Variants in GRB10 observed in about 807,000 individuals in gnomAD.
GRB10 encodes the protein growth factor receptor-bound protein 10.
Under a neutral mutation model 80.9 loss-of-function variants are expected in GRB10, and 20 were observed. The ratio of observed to expected loss-of-function variants is 0.25; its 90% CI spans 0.17 to 0.36. GRB10 has a LOEUF of 0.36. Ranked by LOEUF, GRB10 falls within the 10% of genes least tolerant of loss-of-function variation. GRB10 has a pLI of 1.00. For synonymous variants in GRB10, 291 were observed against 291.5 expected, an observed-to-expected ratio of 1.00 and a Z score of 0.02; for missense variants, 548 against 747.7, an observed-to-expected ratio of 0.73 and a Z score of 3.12.
chr7:50,688,903 T>C (rs116579551), intron 5 of GRB10, among the ~76,000 whole-genome samples: 1,969 of 151,600 alleles, frequency 0.013, 46 homozygotes, highest in African/African-American at 0.045. Context: ...GCACCAGAAG[T>C]AGGGGTGGAG....
chr7:50,732,992 T>C (rs1284563909), intron 3 of GRB10, among the ~76,000 whole-genome samples: 1 of 152,208 alleles, frequency 6.6e-6, no homozygotes, highest in African/African-American at 2.4e-5. Context: ...AAGACCCTGT[T>C]ATGGGATGAA....
At position 50,698,534 on chromosome 7, in the gene GRB10, A is replaced by C. The variant is rs34813246; in HGVS notation, c.139+5287T>G. Among the ~76,000 whole-genome samples, 492 of 152,314 alleles carry C rather than the reference A, an allele frequency of 3.2e-3. 2 individuals are homozygous for C. Among genetic ancestry groups the C allele is most frequent in the Non-Finnish European group, 5.6e-3 (378 of 68,030 alleles). On this transcript the variant is annotated intron_variant, in intron 5 of 18. Coordinates refer to ENST00000401949, the MANE Select transcript of GRB10 (RefSeq NM_001350814.2). ...ACGCAGCAGGGTTCCATTCCTTGCC[A>C]CCCCATGTGAACAGTCATGGTTCCT...
chr7:50,749,471 G>A (rs1288613474), intron 3 of GRB10, among the ~76,000 whole-genome samples: 1 of 152,074 alleles, frequency 6.6e-6, no homozygotes, highest in Non-Finnish European at 1.5e-5. Flanking sequence ...ATAATTGTGA[G>A]ATGGAATTTT....
intron 13 of GRB10, among the ~76,000 whole-genome samples, chr7:50,607,573 G>A (rs2153572349): frequency 6.6e-6 from 1 of 152,302 alleles, no homozygotes; most frequent in Non-Finnish European, 1.5e-5. Context: ...GTGTCTAAGT[G>A]CTTTATGTTA....
intron 7 of GRB10, among the ~76,000 whole-genome samples, chr7:50,635,576 CA>C (rs1287019110): frequency 2.5e-5 from 2 of 80,674 alleles, no homozygotes; most frequent in South Asian, 8.2e-4. Flanking sequence ...CAAAAAAACC[CA>C]CAAAGGATCA....
intron 5 of GRB10, among the ~76,000 whole-genome samples, chr7:50,693,311 C>T (rs558211334): frequency 6.6e-6 from 1 of 152,290 alleles, no homozygotes; most frequent in South Asian, 2.1e-4. Flanking sequence ...GACAGTCTCT[C>T]CACTAAGAAA....
intron 10 of GRB10, among the ~76,000 whole-genome samples, chr7:50,616,696 G>A (rs944722204): frequency 6.6e-6 from 1 of 152,206 alleles, no homozygotes; most frequent in African/African-American, 2.4e-5. Flanking sequence ...CTGACAGTGA[G>A]TATGTAGTGG....
At position 50,782,013 on chromosome 7, in the gene GRB10, C is replaced by T. The variant is rs982430026; in HGVS notation, c.-327+411G>A. ...GCATTATGTTTTTCACAGAAAAAGC[C>T]GGTGCAGTAGCCCGGATGCCCAGAT... On this transcript the variant is annotated intron_variant, in intron 1 of 18. Transcript: ENST00000401949. The surrounding 1 kb of genome is among the most constrained non-coding windows in gnomAD (Gnocchi z 6.6). 1.3e-5 allele frequency among the ~76,000 whole-genome samples: 2 copies of T among 152,168 alleles called. No individual in the cohort carries two copies. The highest frequency in any genetic ancestry group is 6.5e-5 in the Admixed American group (1 of 15,286).
At chr7:50,732,530 G>A (rs2070003865) in intron 3 of GRB10, among the ~76,000 whole-genome samples, 162 bp from the exon 4 acceptor site, 1 of 152,166 alleles carries the variant, frequency 6.6e-6, no homozygotes, top group Admixed American at 6.5e-5. Context: ...TTGCTGACAT[G>A]CAGAGATGGT....
At chr7:50,756,329 G>T (rs940230507) in intron 2 of GRB10, among the ~76,000 whole-genome samples, 2 of 152,160 alleles carry the variant, frequency 1.3e-5, no homozygotes, top group Non-Finnish European at 2.9e-5. Flanking sequence ...TCCAAAGCAC[G>T]CTGCCTCCAA....
intron 2 of GRB10, among the ~76,000 whole-genome samples, chr7:50,758,038 A>G (rs2075301901): frequency 6.6e-6 from 1 of 152,184 alleles, no homozygotes; most frequent in Admixed American, 6.5e-5. Flanking sequence ...TAGGAAGTTG[A>G]TATTAGTCTT....
chr7:50,707,789 C>CA (rs1297959195), intron 4 of GRB10, among the ~76,000 whole-genome samples: 1 of 152,224 alleles, frequency 6.6e-6, no homozygotes, highest in Admixed American at 6.5e-5. Flanking sequence ...GCCTGTCCTG[C>CA]AAGGAGCCCT....
chr7:50,711,320 C>T (rs888030648), intron 4 of GRB10, among the ~76,000 whole-genome samples: 6 of 149,810 alleles, frequency 4.0e-5, no homozygotes, highest in East Asian at 4.1e-4. Context: ...AAGGAGAAGA[C>T]GCAATCCTAC....
intron 7 of GRB10, among the ~76,000 whole-genome samples, chr7:50,636,302 T>C (rs897630036): frequency 1.3e-5 from 2 of 152,064 alleles, no homozygotes; most frequent in Non-Finnish European, 2.9e-5. Flanking sequence ...TTAACAGCCA[T>C]ACAAACAAGA....
chr7:50,663,672 C>T (rs1178650722), intron 7 of GRB10, among the ~76,000 whole-genome samples: 2 of 152,232 alleles, frequency 1.3e-5, no homozygotes, highest in Admixed American at 6.5e-5. Context: ...CTGCAGCTGC[C>T]ATCCTCTTGG....
chr7:50,702,527 A>G (rs1460706444), intron 5 of GRB10, among the ~76,000 whole-genome samples: 1 of 152,214 alleles, frequency 6.6e-6, no homozygotes, highest in Non-Finnish European at 1.5e-5. Context: ...AGAGGTGGCC[A>G]ATGTCAAGGG....
At chr7:50,655,976 G>A (rs2058604592) in intron 7 of GRB10, among the ~76,000 whole-genome samples, 1 of 152,174 alleles carries the variant, frequency 6.6e-6, no homozygotes, top group Non-Finnish European at 1.5e-5. Flanking sequence ...CCTCTATAAG[G>A]TGATTAGCAT....
intron 7 of GRB10, among the ~76,000 whole-genome samples, chr7:50,661,790 T>A (rs1436762025): frequency 6.6e-6 from 1 of 152,202 alleles, no homozygotes; most frequent in Non-Finnish European, 1.5e-5. Flanking sequence ...CACTTCACAT[T>A]TCTGCATACC....
intron 7 of GRB10, 65 bp downstream of exon 7, chr7:50,669,657 A>G: frequency 6.8e-7 from 1 of 1,469,072 alleles, no homozygotes; most frequent in Non-Finnish European, 9.5e-7. Context: ...AATCTGGCAC[A>G]TCTGTGCAGA....
Sources: gnomAD v4.1 joint callset for allele counts (sites outside exome capture counted in the v4.1 genomes callset) on GRCh38, gnomAD v4.1.1 for gene constraint, Gnocchi (gnomAD v3.1) non-coding constraint, MANE v1.5 for transcripts, NCBI Gene and HGNC (gene_info 2026-07-23, HGNC 2026-07-21) for gene names.